The following UNC5D variants were observed in gnomAD, a reference collection of about 807,000 sequenced individuals.
UNC5D encodes netrin receptor UNC5D.
Under a neutral mutation model 105.4 loss-of-function variants are expected in UNC5D, and 39 were observed. The observed-to-expected ratio is 0.37, with a 90% CI of 0.29 to 0.48. The LOEUF is 0.48. Ranked by LOEUF, UNC5D falls within the 20% of genes least tolerant of loss-of-function variation. UNC5D has a pLI of 0.98. For missense variants in UNC5D, 991 were observed against 1,202.4 expected (o/e 0.82, Z 2.60); for synonymous variants, 452 against 450.4 (o/e 1.00, Z -0.04).
chr8:35,758,215 A>G (rs1830600346), intron 13 of UNC5D, among the ~76,000 whole-genome samples: 1 of 152,244 alleles, frequency 6.6e-6, no homozygotes, highest in Admixed American at 6.5e-5. Flanking sequence ...GTGACTTTTT[A>G]GTCAAAAATG....
At chr8:35,345,726 A>G (rs1386922608) in intron 1 of UNC5D, among the ~76,000 whole-genome samples, 4 of 152,080 alleles carry the variant, frequency 2.6e-5, no homozygotes, top group African/African-American at 9.7e-5. Flanking sequence ...AACACATATT[A>G]GACTTTTTTT....
At chr8:35,574,686 A>G (rs1586165187) in intron 3 of UNC5D, among the ~76,000 whole-genome samples, 1 of 152,146 alleles carries the variant, frequency 6.6e-6, no homozygotes, top group East Asian at 1.9e-4. Flanking sequence ...CTACCCACAA[A>G]TTTGAATATG....
At chr8:35,273,419 GC>G (rs999768167) in intron 1 of UNC5D, among the ~76,000 whole-genome samples, 13 of 152,148 alleles carry the variant, frequency 8.5e-5, no homozygotes, top group Non-Finnish European at 1.3e-4. Context: ...GAAGGTCCTT[GC>G]CCCAACTTTT....
chr8:35,737,252 C>CTGTGTGTGTGTGTGTG (rs369792188), intron 11 of UNC5D, among the ~76,000 whole-genome samples: 13 of 119,880 alleles, frequency 1.1e-4, no homozygotes, highest in African/African-American at 4.1e-4. Flanking sequence ...AAGATCTGCT[C>CTGTGTGTGTGTGTGTG]TGTGTGTGTG....
chr8:35,779,069 G>C (rs145157465), intron 16 of UNC5D, among the ~76,000 whole-genome samples: 4 of 152,290 alleles, frequency 2.6e-5, no homozygotes, highest in Admixed American at 1.3e-4. Flanking sequence ...AGCAAACTTT[G>C]ACTATTACTC....
At chr8:35,316,844 G>A (rs1275435550) in intron 1 of UNC5D, among the ~76,000 whole-genome samples, 1 of 152,086 alleles carries the variant, frequency 6.6e-6, no homozygotes, top group Non-Finnish European at 1.5e-5. Flanking sequence ...CAGGAAATAT[G>A]CTGTCCGATG....
intron 3 of UNC5D, 98 bp downstream of exon 3, chr8:35,568,339 T>C: frequency 2.0e-6 from 3 of 1,465,068 alleles, no homozygotes; most frequent in Non-Finnish European, 2.8e-6. Flanking sequence ...TTCTACAGAA[T>C]GTAAATGAGA....
chr8:35,710,611 A>G (rs1407533897), intron 8 of UNC5D, among the ~76,000 whole-genome samples: 1 of 152,196 alleles, frequency 6.6e-6, no homozygotes, highest in Non-Finnish European at 1.5e-5. Context: ...AGATCACTAG[A>G]TAATGGCGTG....
At chr8:35,288,170 A>G (rs957234242) in intron 1 of UNC5D, among the ~76,000 whole-genome samples, 8 of 152,180 alleles carry the variant, frequency 5.3e-5, no homozygotes, top group African/African-American at 1.9e-4. Flanking sequence ...TCAAATTATT[A>G]AAAATTAAGA....
intron 1 of UNC5D, among the ~76,000 whole-genome samples, chr8:35,340,231 A>G (rs142694232): frequency 1.3e-5 from 2 of 152,128 alleles, no homozygotes; most frequent in South Asian, 4.1e-4. Flanking sequence ...ACTTGGTCAC[A>G]ATAGTCTAGA....
chr8:35,623,936 C>T (rs954803532), intron 4 of UNC5D, among the ~76,000 whole-genome samples: 1 of 151,976 alleles, frequency 6.6e-6, no homozygotes, highest in Non-Finnish European at 1.5e-5. Context: ...AAAAATTAGC[C>T]GGACGTGGTG....
At position 35,792,123 on chromosome 8, in the gene UNC5D, G is replaced by A. The variant is rs1803072011; in HGVS notation, c.*1560G>A. 1 of 152,120 alleles carries A rather than the reference G, an allele frequency of 6.6e-6. No individual in the cohort carries two copies. Among genetic ancestry groups the A allele is most frequent in the Non-Finnish European group, 1.5e-5 (1 of 68,012 alleles). 9.4% of individuals were successfully genotyped at this position (152,120 alleles called of 1,614,324 possible). ...CGAATAAAAAGTAGTCAGGGAATGG[G>A]GGAGGTGGGGAGTTGGGGAGTACTT... On this transcript the variant is annotated 3_prime_UTR_variant, in exon 17 of 17. Transcript: ENST00000404895.
At chr8:35,552,027 A>G (rs16884109) in intron 2 of UNC5D, among the ~76,000 whole-genome samples, 22,850 of 152,152 alleles carry the variant, frequency 0.15, 2,165 homozygotes, top group East Asian at 0.26. Context: ...ATTGCAGTAT[A>G]AATTCAAAAC....
chr8:35,511,414 T>G (rs1029855655), intron 1 of UNC5D, among the ~76,000 whole-genome samples: 2 of 149,484 alleles, frequency 1.3e-5, no homozygotes, highest in Admixed American at 1.3e-4. Context: ...TGGGAGGATC[T>G]CTTGAGCCCA....
chr8:35,311,660 G>A (rs867235885), intron 1 of UNC5D, among the ~76,000 whole-genome samples: 13 of 152,218 alleles, frequency 8.5e-5, no homozygotes, highest in Middle Eastern at 3.4e-3. Context: ...GTTTGATGAT[G>A]TTAAAATGAA....
intron 1 of UNC5D, among the ~76,000 whole-genome samples, chr8:35,402,097 GA>G (rs976067284): frequency 6.6e-6 from 1 of 152,194 alleles, no homozygotes; most frequent in African/African-American, 2.4e-5. Context: ...TTAACAAACT[GA>G]TAGGCAAGGA....
At chr8:35,717,129 A>G (rs1344124724) in intron 8 of UNC5D, among the ~76,000 whole-genome samples, 1 of 152,196 alleles carries the variant, frequency 6.6e-6, no homozygotes, top group Non-Finnish European at 1.5e-5. Context: ...ATACCAGTTC[A>G]AGTATGTTTG....
At position 35,561,617 on chromosome 8, in the gene UNC5D, T is replaced by C. The variant is rs116714890; in HGVS notation, c.323-6481T>C. Among the ~76,000 whole-genome samples the C allele has an allele frequency of 7.9e-3, 1,207 of 152,306 alleles. 20 individuals carry two copies. Among genetic ancestry groups the C allele is most frequent in the African/African-American group, 0.027 (1,136 of 41,566 alleles). ...TTGGACATTCACTACTTTATAAACATGATAACCCTGAACCATTTTGAGATA... is the reference window on the plus strand; with the variant it reads ...TTGGACATTCACTACTTTATAAACACGATAACCCTGAACCATTTTGAGATA... On this transcript the variant is annotated intron_variant, in intron 2 of 16. Coordinates refer to ENST00000404895, the MANE Select transcript of UNC5D (RefSeq NM_080872.4).
At chr8:35,710,597 G>T (rs1309066499) in intron 8 of UNC5D, among the ~76,000 whole-genome samples, 1 of 152,146 alleles carries the variant, frequency 6.6e-6, no homozygotes, top group Non-Finnish European at 1.5e-5. Context: ...CCTTAGGTTG[G>T]ATGAGATCAC....
Sources: gnomAD v4.1 joint callset for allele counts (sites outside exome capture counted in the v4.1 genomes callset) on GRCh38, gnomAD v4.1.1 for gene constraint, MANE v1.5 for transcripts, NCBI Gene and HGNC (gene_info 2026-07-23, HGNC 2026-07-21) for gene names.